Variants in CNTNAP2 observed in about 807,000 individuals in gnomAD.
CNTNAP2 encodes contactin associated protein 2.
CNTNAP2 carries 98 observed loss-of-function variants against 155.2 expected under a neutral mutation model. The observed-to-expected ratio is 0.63, with a 90% CI of 0.54 to 0.75. The LOEUF is 0.75. Ranked by LOEUF, CNTNAP2 falls within the 30% of genes least tolerant of loss-of-function variation. The pLI is 0.00. For missense variants in CNTNAP2, 1,727 were observed against 1,688.1 expected (o/e 1.02, Z -0.40); for synonymous variants, 651 against 631.2 (o/e 1.03, Z -0.47).
chr7:148,335,205 G>C (rs1204347844), intron 21 of CNTNAP2, among the ~76,000 whole-genome samples: 1 of 152,148 alleles, frequency 6.6e-6, no homozygotes, highest in Admixed American at 6.5e-5. Flanking sequence ...GATGTCAGAG[G>C]CAAAGAGAGG....
chr7:147,128,737 CA>C lies in CNTNAP2; in HGVS notation c.985del (p.Ser329ValfsTer28). On this transcript the variant is annotated frameshift_variant, in exon 7 of 24. Transcript: ENST00000361727. LOFTEE classifies it high-confidence loss of function. ...IPFSGKPSSS[S>X]RKNFKGCMES... is the part of the protein sequence containing the mutation. ...CTTTCTCTGGCAAGCCCAGCTCCAG[CA>C]GTAGAAAGAATTTCAAAGGCTGCAT... The C allele has an allele frequency of 6.2e-7, 1 of 1,614,028 alleles. No homozygotes were observed. The highest frequency in any genetic ancestry group is 8.5e-7 in the Non-Finnish European group (1 of 1,179,942).
At chr7:148,066,598 C>A (rs527527877) in intron 15 of CNTNAP2, among the ~76,000 whole-genome samples, 2 of 151,840 alleles carry the variant, frequency 1.3e-5, no homozygotes, top group African/African-American at 4.8e-5. Flanking sequence ...CCTGGATTCA[C>A]GCCATTCTCC....
chr7:147,615,940 C>T (rs1801283354), intron 12 of CNTNAP2, among the ~76,000 whole-genome samples: 1 of 152,090 alleles, frequency 6.6e-6, no homozygotes, highest in South Asian at 2.1e-4. Flanking sequence ...CCTGGTCTAC[C>T]TAGTCTTGGT....
rs1319663882 is a variant in CNTNAP2, at chr7:147,931,935, G to T, written c.2255+28214G>T. Among the ~76,000 whole-genome samples, 4 of 151,696 alleles carry T rather than the reference G, an allele frequency of 2.6e-5. No homozygotes were observed. In the East Asian group the frequency reaches 7.8e-4, roughly 29 times the overall value. On this transcript the variant is annotated intron_variant, in intron 14 of 23. Transcript: ENST00000361727. Reference sequence around the variant, plus strand: ...GGGTCTCATTATATCACCCAGGCTGGAGTGCAGTGGTGCGATCTCAGCTCA... The same window carrying T: ...GGGTCTCATTATATCACCCAGGCTGTAGTGCAGTGGTGCGATCTCAGCTCA...
rs553359326 is a variant in CNTNAP2, at chr7:147,733,923, G to A, written c.2098+94617G>A. Among the ~76,000 whole-genome samples, 80 of 152,258 alleles carry A rather than the reference G, an allele frequency of 5.3e-4. 1 individual carries two copies. The highest frequency in any genetic ancestry group is 1.8e-3 in the African/African-American group (74 of 41,560). On this transcript the variant is annotated intron_variant, in intron 13 of 23. Transcript: ENST00000361727. ...GCTTAAGGAGATTTTGGGCTGAGAC[G>A]ATGGGGTTTTCTAGATATACAATCA...
intron 17 of CNTNAP2, among the ~76,000 whole-genome samples, chr7:148,151,549 G>A (rs1291198413): frequency 1.3e-5 from 2 of 152,138 alleles, no homozygotes; most frequent in Non-Finnish European, 2.9e-5. Flanking sequence ...GCCCGCCTCA[G>A]CCTCTCAAAG....
intron 1 of CNTNAP2, among the ~76,000 whole-genome samples, chr7:146,377,217 C>T (rs1041432748): frequency 6.6e-6 from 1 of 152,266 alleles, no homozygotes. Context: ...CAACACAGAG[C>T]AATGTGCTCT....
chr7:147,944,049 A>G (rs551373298), intron 14 of CNTNAP2, among the ~76,000 whole-genome samples: 2 of 152,256 alleles, frequency 1.3e-5, no homozygotes, highest in Admixed American at 1.3e-4. Flanking sequence ...GCCATCCTCA[A>G]TGGGGAAGTT....
chr7:146,548,800 T>TG lies in CNTNAP2; in HGVS notation c.98-225471_98-225470insG, dbSNP rs1274382742. On this transcript the variant is annotated intron_variant, in intron 1 of 23. Transcript: ENST00000361727. ...GGAAATATTTTCCCATTCTCTAGGT[T>TG]TTTTTTTTTTTTTTCGTTTTGTTAA... is the stretch of plus-strand genomic sequence containing the variant. Among the ~76,000 whole-genome samples, 64 of 148,790 alleles carry TG rather than the reference T, an allele frequency of 4.3e-4. 2 individuals are homozygous for TG. The highest frequency in any genetic ancestry group is 9.4e-4 in the Admixed American group (14 of 14,938).
At chr7:148,364,985 C>G (rs150640862) in intron 21 of CNTNAP2, among the ~76,000 whole-genome samples, 15 of 152,148 alleles carry the variant, frequency 9.9e-5, no homozygotes, top group African/African-American at 2.9e-4. Flanking sequence ...GAAGAAACTC[C>G]GAACACATCT....
chr7:147,976,269 T>C (rs1453337446), intron 14 of CNTNAP2, among the ~76,000 whole-genome samples: 2 of 152,222 alleles, frequency 1.3e-5, no homozygotes, highest in African/African-American at 4.8e-5. Flanking sequence ...AGTTCCATCA[T>C]TTCTAGTAGG....
chr7:147,904,780 G>A (rs766406271), intron 14 of CNTNAP2, among the ~76,000 whole-genome samples: 23 of 152,126 alleles, frequency 1.5e-4, no homozygotes, highest in Admixed American at 2.6e-4. Flanking sequence ...CAATGGCTTA[G>A]AATGTGTGTG....
intron 1 of CNTNAP2, among the ~76,000 whole-genome samples, chr7:146,356,517 G>A (rs1186731122): frequency 6.6e-6 from 1 of 152,028 alleles, no homozygotes; most frequent in Non-Finnish European, 1.5e-5. Context: ...ATTGACATGA[G>A]AACAAGACAG....
chr7:147,598,258 G>T (rs566377271), intron 12 of CNTNAP2, among the ~76,000 whole-genome samples: 6 of 150,852 alleles, frequency 4.0e-5, no homozygotes, highest in Non-Finnish European at 7.4e-5. Context: ...GTGGTTTGTT[G>T]TACCTATCAA....
At chr7:146,437,197 G>A (rs1796256704) in intron 1 of CNTNAP2, among the ~76,000 whole-genome samples, 2 of 151,342 alleles carry the variant, frequency 1.3e-5, no homozygotes, top group Non-Finnish European at 2.9e-5. Flanking sequence ...AATGCCTGAT[G>A]ATCTTGGGTG....
At chr7:146,302,159 G>A (rs1321291818) in intron 1 of CNTNAP2, among the ~76,000 whole-genome samples, 1 of 152,016 alleles carries the variant, frequency 6.6e-6, no homozygotes, top group African/African-American at 2.4e-5. Flanking sequence ...AAGAAAGTAA[G>A]GCATCATATA....
At chr7:147,885,159 A>C (rs2538981) in intron 13 of CNTNAP2, among the ~76,000 whole-genome samples, 74,472 of 152,058 alleles carry the variant, frequency 0.49, 18,283 homozygotes, top group Middle Eastern at 0.55. Flanking sequence ...GGTCAAGGCT[A>C]AGTATTTTAA....
intron 13 of CNTNAP2, among the ~76,000 whole-genome samples, chr7:147,888,161 C>A (rs984879398): frequency 6.6e-5 from 10 of 151,938 alleles, no homozygotes; most frequent in African/African-American, 2.4e-4. Context: ...TAACTAATAG[C>A]ATTTTCAGTC....
At chr7:146,339,624 T>C (rs1483529697) in intron 1 of CNTNAP2, among the ~76,000 whole-genome samples, 1 of 152,200 alleles carries the variant, frequency 6.6e-6, no homozygotes, top group Non-Finnish European at 1.5e-5. Context: ...ATTTCAAGAA[T>C]ATCTATTTAA....
Sources: allele counts gnomAD v4.1 joint callset (sites outside exome capture counted in the v4.1 genomes callset), GRCh38; gene constraint gnomAD v4.1.1; transcripts MANE v1.5; gene names NCBI Gene and HGNC (gene_info 2026-07-23, HGNC 2026-07-21).